Variants in LUC7L3 observed in about 807,000 individuals in gnomAD.
The protein encoded by LUC7L3 is LUC7 like 3 pre-mRNA splicing factor.
Under a neutral mutation model 66.8 loss-of-function variants are expected in LUC7L3, and 6 were observed. That is an observed-to-expected ratio of 0.09 (90% confidence interval 0.05 to 0.18). The LOEUF (loss-of-function observed/expected upper bound fraction) is 0.18, where lower values mean the gene tolerates loss of function less well. Among genes scored for constraint, LUC7L3 ranks in the 10% least tolerant of loss-of-function variants. LUC7L3 has a pLI of 1.00. For missense variants in LUC7L3, 341 were observed against 531.1 expected (o/e 0.64, Z 3.52); for synonymous variants, 160 against 174.7 (o/e 0.92, Z 0.66).
chr17:50,755,336 G>A lies in LUC7L3; in HGVS notation c.*4675G>A, dbSNP rs1971091206. The A allele has an allele frequency of 1.3e-5, 2 of 152,158 alleles. No individual in the cohort carries two copies. Among genetic ancestry groups the A allele is most frequent in the Admixed American group, 6.5e-5 (1 of 15,270 alleles). 9.4% of individuals were successfully genotyped at this position (152,158 alleles called of 1,614,324 possible). ...GGTGGGAGGAAATATAAACATATAT[G>A]TATAGATCTTTCAAAATATATGACG... is the stretch of plus-strand genomic sequence containing the variant. On this transcript the variant is annotated 3_prime_UTR_variant, in exon 10 of 10. Transcript: ENST00000505658.
At chr17:50,739,992 C>T (rs1234837053) in intron 2 of LUC7L3, among the ~76,000 whole-genome samples, 1 of 152,166 alleles carries the variant, frequency 6.6e-6, no homozygotes, top group Non-Finnish European at 1.5e-5. Context: ...CTGTCCCCAT[C>T]AGTTTTCTTT....
rs575434186 is a variant in LUC7L3, at chr17:50,750,762, C to T, written c.*101C>T. The T allele has an allele frequency of 2.5e-6, 4 of 1,603,246 alleles. No homozygotes were observed. Among genetic ancestry groups the T allele is most frequent in the Non-Finnish European group, 3.4e-6 (4 of 1,175,522 alleles). On this transcript the variant is annotated 3_prime_UTR_variant, in exon 10 of 10. Coordinates refer to ENST00000505658, the MANE Select transcript of LUC7L3 (RefSeq NM_016424.5). Reference sequence around the variant, plus strand: ...TGTTTGACAGTGCAGCGTAAGTATGCACAGATGAAGATGGAACTAAGCCGA... The same window carrying T: ...TGTTTGACAGTGCAGCGTAAGTATGTACAGATGAAGATGGAACTAAGCCGA...
At chr17:50,722,979 A>T (rs913916558) in intron 1 of LUC7L3, 1 of 152,270 alleles carries the variant, frequency 6.6e-6, no homozygotes, top group Non-Finnish European at 1.5e-5. Context: ...GGTTAATCCT[A>T]AACAACCACA....
In LUC7L3 at chr17:50,750,785, C is replaced by A; in HGVS notation, c.*124C>A. The stretch of plus-strand genomic sequence containing the variant: ...TGCACAGATGAAGATGGAACTAAGC[C>A]GAGTAAGAAGACATACAAAAGCCTC... On this transcript the variant is annotated 3_prime_UTR_variant, in exon 10 of 10. Coordinates refer to ENST00000505658, the MANE Select transcript of LUC7L3 (RefSeq NM_016424.5). 1 of 1,578,086 alleles carries A rather than the reference C, an allele frequency of 6.3e-7. No homozygotes were observed. The highest frequency in any genetic ancestry group is 2.3e-5 in the East Asian group (1 of 42,700).
rs1971083452 is a variant in LUC7L3, at chr17:50,754,902, C to CT, written c.*4243dup. The stretch of plus-strand genomic sequence containing the variant: ...CCACCTTCTGATTAAAGTTTTCAGA[C>CT]TTGTAAGAACTGAAAATTTTTATGG... On this transcript the variant is annotated 3_prime_UTR_variant, in exon 10 of 10. Coordinates refer to ENST00000505658, the MANE Select transcript of LUC7L3 (RefSeq NM_016424.5). 1 of 152,140 alleles carries CT rather than the reference C, an allele frequency of 6.6e-6. No homozygotes were observed. The highest frequency in any genetic ancestry group is 1.5e-5 in the Non-Finnish European group (1 of 68,018). 9.4% of individuals were successfully genotyped at this position (152,140 alleles called of 1,614,324 possible). A position where few individuals can be genotyped will look rare whatever the true frequency, so the allele number is the denominator to read the frequency against.
chr17:50,723,927 G>T (rs372611141), intron 1 of LUC7L3: 2 of 454,372 alleles, frequency 4.4e-6, no homozygotes, highest in Non-Finnish European at 4.4e-6. Flanking sequence ...GAGCCACTGC[G>T]CCCGGCTGGC....
In LUC7L3 at chr17:50,719,828, G is replaced by C; in HGVS notation, c.96G>C (p.Glu32Asp). 1 of 1,583,968 alleles carries C rather than the reference G, an allele frequency of 6.3e-7. No homozygotes were observed. The highest frequency in any genetic ancestry group is 2.3e-5 in the East Asian group (1 of 43,580). ...EKRSNVRWDH[E>D]SVCKYYLCGF... Reference sequence around the variant, plus strand: ...GCAGCAACGTGCGGTGGGACCACGAGAGCGTAAGTCCCGCGGGCCTTGGCC... The same window carrying C: ...GCAGCAACGTGCGGTGGGACCACGACAGCGTAAGTCCCGCGGGCCTTGGCC... Residue 32 changes from glutamate to aspartate, a missense_variant, in exon 1 of 10, where the codon GAG becomes GAC. By Grantham distance (45) the Glu-to-Asp change is conservative. Around this residue, in one of 6 missense-constraint regions of LUC7L3, gnomAD observed 19 missense variants for 17.4 expected, o/e 1.09. Transcript: ENST00000505658.
chr17:50,744,846 TTGCTC>T, intron 7 of LUC7L3, 33 bp downstream of exon 7: 1 of 1,586,748 alleles, frequency 6.3e-7, no homozygotes, highest in Non-Finnish European at 8.6e-7. Flanking sequence ...AGGCAGATTC[TTGCTC>T]TGTCACCTAG....
Position 50,744,772 on chromosome 17 carries a change from A to G in LUC7L3, c.652A>G (p.Met218Val). ...VDDHLMGKQH[M>V]GYAKIKATVE... ...TGACCATTTGATGGGAAAACAACAC[A>G]TGGGCTATGCCAAAATTAAAGCTAC... The change falls in exon 7 of 10, where the codon ATG (methionine) becomes GTG (valine). Residue 218 changes from methionine (M) to valine (V), a missense_variant. Physicochemically the swap from Met to Val is conservative, Grantham distance 21. Transcript: ENST00000505658. 1 of 1,613,904 alleles carries G rather than the reference A, an allele frequency of 6.2e-7. No individual in the cohort carries two copies. The highest frequency in any genetic ancestry group is 2.2e-5 in the East Asian group (1 of 44,874).
chr17:50,732,178 C>A (rs1162872983), intron 1 of LUC7L3, among the ~76,000 whole-genome samples: 1 of 152,142 alleles, frequency 6.6e-6, no homozygotes, highest in Non-Finnish European at 1.5e-5. Context: ...GCAGGATTTA[C>A]AGTAAGTACA....
chr17:50,719,874 G>C (rs756973442), intron 1 of LUC7L3, 43 bp downstream of exon 1: 1 of 1,554,244 alleles, frequency 6.4e-7, no homozygotes, highest in Non-Finnish European at 8.7e-7. Flanking sequence ...CTCCGTGGGG[G>C]AGGGGAGCGG....
At chr17:50,730,337 A>G (rs1387905289) in intron 1 of LUC7L3, among the ~76,000 whole-genome samples, 1 of 151,960 alleles carries the variant, frequency 6.6e-6, no homozygotes, top group African/African-American at 2.4e-5. Flanking sequence ...GAGATCAACC[A>G]TGGTAAAACC....
intron 1 of LUC7L3, among the ~76,000 whole-genome samples, chr17:50,729,959 GGGTGGGGA>G (rs1219664686): frequency 7.9e-6 from 1 of 127,224 alleles, no homozygotes; most frequent in Non-Finnish European, 1.7e-5. Context: ...TGTATTTTGG[GGGTGGGGA>G]GGTGGGGACA....
rs939224671 is a variant in LUC7L3, at chr17:50,753,803, C to T, written c.*3142C>T. 1.3e-5 allele frequency: 2 copies of T among 152,102 alleles called. No individual in the cohort carries two copies. Among genetic ancestry groups the T allele is most frequent in the African/African-American group, 2.4e-5 (1 of 41,406 alleles). 9.4% of individuals were successfully genotyped at this position (152,102 alleles called of 1,614,324 possible). ...ATACCAGATTTGTTCTGCTCTGCCT[C>T]ATCTAGAATCAACGTCTAACTAACT... On this transcript the variant is annotated 3_prime_UTR_variant, in exon 10 of 10. Coordinates refer to ENST00000505658, the MANE Select transcript of LUC7L3 (RefSeq NM_016424.5).
intron 3 of LUC7L3, among the ~76,000 whole-genome samples, chr17:50,740,712 C>T (rs1970295568): frequency 6.6e-6 from 1 of 152,184 alleles, no homozygotes; most frequent in Admixed American, 6.5e-5. Context: ...GTGCCCACCA[C>T]CATGCCTGAC....
At chr17:50,732,945 G>T (rs1025286035) in intron 1 of LUC7L3, among the ~76,000 whole-genome samples, 12 of 152,172 alleles carry the variant, frequency 7.9e-5, no homozygotes, top group Non-Finnish European at 1.8e-4. Context: ...TCATTGTGCT[G>T]TGTTGCAGTG....
Position 50,745,847 on chromosome 17 carries a change from G to A in LUC7L3, c.821G>A (p.Arg274Lys). 6.3e-7 allele frequency: 1 copy of A among 1,591,364 alleles called. No individual in the cohort carries two copies. Among genetic ancestry groups the A allele is most frequent in the Non-Finnish European group, 8.6e-7 (1 of 1,163,414 alleles). Residue 274 changes from arginine to lysine, a missense_variant, in exon 8 of 10, where the codon AGG becomes AAG. Around this residue, in one of 6 missense-constraint regions of LUC7L3, gnomAD observed 210 missense variants for 238.1 expected, o/e 0.88. Transcript: ENST00000505658. ...GAAGAAAGAGAAAGGAAAAGACGAA[G>A]GGAAGAGGAAGAAAGAGAAAAAGAA... ...EREERERKRR[R>K]EEEEREKERA...
At chr17:50,741,332 C>A in intron 4 of LUC7L3, 86 bp downstream of exon 4, 1 of 1,298,892 alleles carries the variant, frequency 7.7e-7, no homozygotes, top group Non-Finnish European at 1.1e-6. Flanking sequence ...AACTTGTCTT[C>A]TGTTCATTAC....
chr17:50,743,696 CTCT>C lies in LUC7L3; in HGVS notation c.427-6_427-4del, dbSNP rs1289753693. The C allele has an allele frequency of 6.5e-7, 1 of 1,539,634 alleles. No homozygotes were observed. Among genetic ancestry groups the C allele is most frequent in the Non-Finnish European group, 8.9e-7 (1 of 1,117,584 alleles). ...AAATCTTAACTGTTTTTTTCCCCTA[CTCT>C]TCTAAGATTGAAGAATTAGGGTCTG... On this transcript the variant is annotated splice_polypyrimidine_tract_variant and splice_region_variant and intron_variant, in intron 5 of 9. Coordinates refer to ENST00000505658, the MANE Select transcript of LUC7L3 (RefSeq NM_016424.5).
Sources: allele counts gnomAD v4.1 joint callset (sites outside exome capture counted in the v4.1 genomes callset), GRCh38; gene constraint gnomAD v4.1.1; regional missense constraint gnomAD v4.1.1; transcripts MANE v1.5; gene names NCBI Gene and HGNC (gene_info 2026-07-23, HGNC 2026-07-21).